Variants in KCNQ3 observed in about 807,000 individuals in gnomAD.
KCNQ3 encodes potassium voltage-gated channel subfamily Q member 3.
In KCNQ3, 30 loss-of-function variants were observed where a neutral mutation model predicts 92.5. The ratio of observed to expected loss-of-function variants is 0.32; its 90% CI spans 0.24 to 0.44. The LOEUF is 0.44. Ranked by LOEUF, KCNQ3 falls within the 20% of genes least tolerant of loss-of-function variation. KCNQ3 has a pLI of 1.00. For missense variants in KCNQ3, 913 were observed against 1,140.3 expected, an observed-to-expected ratio of 0.80 and a Z score of 2.87; for synonymous variants, 450 against 468.8, an observed-to-expected ratio of 0.96 and a Z score of 0.52.
At chr8:132,165,107 A>T (rs1370064109) in intron 8 of KCNQ3, among the ~76,000 whole-genome samples, 1 of 152,042 alleles carries the variant, frequency 6.6e-6, no homozygotes, top group Non-Finnish European at 1.5e-5. Context: ...TTGGCCTCAC[A>T]TCCACTCCAG....
intron 1 of KCNQ3, among the ~76,000 whole-genome samples, chr8:132,454,579 C>T (rs1411954208): frequency 6.6e-6 from 1 of 152,116 alleles, no homozygotes; most frequent in African/African-American, 2.4e-5. Context: ...AATGAAAGAA[C>T]TGCCCAAAGT....
At chr8:132,478,788 C>G (rs1266271763) in intron 1 of KCNQ3, among the ~76,000 whole-genome samples, 1 of 152,076 alleles carries the variant, frequency 6.6e-6, no homozygotes, top group African/African-American at 2.4e-5. Context: ...AAACCTGTTG[C>G]TAAGTCTGAG....
chr8:132,452,403 G>A (rs1163124003), intron 1 of KCNQ3, among the ~76,000 whole-genome samples: 1 of 152,148 alleles, frequency 6.6e-6, no homozygotes, highest in Non-Finnish European at 1.5e-5. Flanking sequence ...GTTCATCCAT[G>A]TTGTAACAAG....
intron 1 of KCNQ3, among the ~76,000 whole-genome samples, chr8:132,396,213 C>G (rs146688053): frequency 2.9e-3 from 439 of 152,258 alleles, no homozygotes; most frequent in Non-Finnish European, 4.8e-3. Flanking sequence ...CCACTCTTTG[C>G]CCCATTGAAC....
intron 1 of KCNQ3, among the ~76,000 whole-genome samples, chr8:132,303,841 AAAT>A (rs2130592359): frequency 6.7e-6 from 1 of 150,176 alleles, no homozygotes; most frequent in East Asian, 2.0e-4. Flanking sequence ...TACACACAGA[AAAT>A]ATTATATGTG....
At chr8:132,263,991 C>T (rs533357105) in intron 1 of KCNQ3, among the ~76,000 whole-genome samples, 6 of 152,264 alleles carry the variant, frequency 3.9e-5, no homozygotes, top group Non-Finnish European at 5.9e-5. Flanking sequence ...GCACAAAGTC[C>T]AGCACCTTCA....
At position 132,465,115 on chromosome 8, in the gene KCNQ3, G is replaced by C. The variant is rs1291167738; in HGVS notation, c.386+15032C>G. Reference sequence around the variant, plus strand: ...AAGGGGAATGTTAATGACTTCCCCAGGAAACCAGAACTCCAGCACAGGGCG... The same window carrying C: ...AAGGGGAATGTTAATGACTTCCCCACGAAACCAGAACTCCAGCACAGGGCG... On this transcript the variant is annotated intron_variant, in intron 1 of 14. Transcript: ENST00000388996. Among the ~76,000 whole-genome samples, 9 of 152,314 alleles carry C rather than the reference G, an allele frequency of 5.9e-5. No individual in the cohort carries two copies. The East Asian group carries it at 1.7e-3, about 29-fold the overall frequency.
chr8:132,209,086 G>T (rs1269206635), intron 1 of KCNQ3, among the ~76,000 whole-genome samples: 1 of 152,152 alleles, frequency 6.6e-6, no homozygotes, highest in Admixed American at 6.5e-5. Flanking sequence ...CCTTCTCACA[G>T]ACTGTTTATT....
intron 1 of KCNQ3, among the ~76,000 whole-genome samples, chr8:132,205,478 C>T (rs1250293910): frequency 1.3e-5 from 2 of 152,190 alleles, no homozygotes; most frequent in Non-Finnish European, 2.9e-5. Flanking sequence ...ACTTACAGAG[C>T]ACCTACTATA....
At chr8:132,336,685 T>C (rs1818375178) in intron 1 of KCNQ3, among the ~76,000 whole-genome samples, 1 of 152,196 alleles carries the variant, frequency 6.6e-6, no homozygotes. Context: ...AGTAGTAGTT[T>C]ATAGTGCTCA....
At position 132,406,480 on chromosome 8, in the gene KCNQ3, C is replaced by T. The variant is rs147783164; in HGVS notation, c.386+73667G>A. ...TCTGCCTTCTTTGTCAGTCTCACCC[C>T]CTCCACAATTCCATTCCTGAGCCCC... On this transcript the variant is annotated intron_variant, in intron 1 of 14. Transcript: ENST00000388996. 9.8e-3 allele frequency among the ~76,000 whole-genome samples: 1,495 copies of T among 152,178 alleles called. 10 individuals are homozygous for T. Among genetic ancestry groups the T allele is most frequent in the Admixed American group, 0.015 (227 of 15,264 alleles).
chr8:132,403,032 A>AAAAAAG (rs61533581), intron 1 of KCNQ3, among the ~76,000 whole-genome samples: 1 of 148,662 alleles, frequency 6.7e-6, no homozygotes, highest in Non-Finnish European at 1.5e-5. Flanking sequence ...AAAAAAAAAA[A>AAAAAAG]GTGTCAATAT....
At chr8:132,462,171 TTATTTATG>T (rs1282680241) in intron 1 of KCNQ3, among the ~76,000 whole-genome samples, 1 of 115,558 alleles carries the variant, frequency 8.7e-6, no homozygotes, top group Admixed American at 9.9e-5. Flanking sequence ...AATTGTACAT[TTATTTATG>T]TATTTATTTA....
intron 1 of KCNQ3, among the ~76,000 whole-genome samples, chr8:132,366,699 C>T (rs994757548): frequency 6.6e-6 from 1 of 152,030 alleles, no homozygotes. Context: ...TGCCAAATGC[C>T]TTTTCAGCAT....
At chr8:132,474,996 G>C (rs1822377484) in intron 1 of KCNQ3, among the ~76,000 whole-genome samples, 1 of 152,132 alleles carries the variant, frequency 6.6e-6, no homozygotes. Context: ...CCTTGCTCTT[G>C]TCGTGATAGA....
intron 4 of KCNQ3, among the ~76,000 whole-genome samples, chr8:132,176,239 T>C (rs998311075): frequency 1.3e-5 from 2 of 152,206 alleles, no homozygotes; most frequent in African/African-American, 4.8e-5. Flanking sequence ...GATATTATCA[T>C]ATAATAGACT....
chr8:132,322,361 C>A (rs1817920034), intron 1 of KCNQ3, among the ~76,000 whole-genome samples: 1 of 152,084 alleles, frequency 6.6e-6, no homozygotes, highest in Non-Finnish European at 1.5e-5. Context: ...TGGCTCAGAG[C>A]AGAGTGATGA....
chr8:132,460,212 G>A (rs997239887), intron 1 of KCNQ3, among the ~76,000 whole-genome samples: 1 of 152,154 alleles, frequency 6.6e-6, no homozygotes, highest in East Asian at 1.9e-4. Context: ...CTGGATGCCA[G>A]GTGTGCTCAC....
rs886062672 is a variant in KCNQ3 at position 132,125,570 on chromosome 8, A to G, written c.*3692T>C. 6.6e-5 allele frequency: 10 copies of G among 152,186 alleles called. No homozygotes were observed. The highest frequency in any genetic ancestry group is 5.9e-4 in the Admixed American group (9 of 15,278). The allele number at this position is 152,186 out of a possible 1,614,324, so 9.4% of individuals were successfully genotyped here. A position where few individuals can be genotyped will look rare whatever the true frequency, so the allele number is the denominator to read the frequency against. Reference sequence around the variant, plus strand: ...AAACAAATGATTTTTTCTTTATTACACCCCCATTTCAGTAGCATGGAATTA... The same window carrying G: ...AAACAAATGATTTTTTCTTTATTACGCCCCCATTTCAGTAGCATGGAATTA... On this transcript the variant is annotated 3_prime_UTR_variant, in exon 15 of 15. Coordinates refer to ENST00000388996, the MANE Select transcript of KCNQ3 (RefSeq NM_004519.4).
Sources: gnomAD v4.1 joint callset for allele counts (sites outside exome capture counted in the v4.1 genomes callset) on GRCh38, gnomAD v4.1.1 for gene constraint, MANE v1.5 for transcripts, NCBI Gene and HGNC (gene_info 2026-07-23, HGNC 2026-07-21) for gene names.